Variants in CEP41 observed in about 807,000 individuals in gnomAD.
CEP41 encodes centrosomal protein 41.
A neutral mutation model predicts 44.3 loss-of-function variants in CEP41; 32 were observed. The observed-to-expected ratio is 0.72, with a 90% CI of 0.54 to 0.97. The LOEUF (loss-of-function observed/expected upper bound fraction) is 0.97, where lower values mean the gene tolerates loss of function less well. Ranked by LOEUF, CEP41 falls within the 50% of genes least tolerant of loss-of-function variation. CEP41 has a pLI of 0.00. For missense variants in CEP41, 432 were observed against 455.2 expected, an observed-to-expected ratio of 0.95 and a Z score of 0.46; for synonymous variants, 151 against 168.5, an observed-to-expected ratio of 0.90 and a Z score of 0.80.
chr7:130,415,020 G>C (rs1395766686), intron 3 of CEP41, among the ~76,000 whole-genome samples: 2 of 152,196 alleles, frequency 1.3e-5, no homozygotes, highest in East Asian at 3.9e-4. Context: ...GGTCCAACTA[G>C]TGTCATCTAA....
intron 1 of CEP41, among the ~76,000 whole-genome samples, chr7:130,438,879 C>T (rs890637479): frequency 3.3e-5 from 5 of 151,784 alleles, no homozygotes; most frequent in African/African-American, 9.7e-5. Context: ...TTGGTATATA[C>T]ACACACACAC....
chr7:130,439,887 C>A (rs1554427093), intron 1 of CEP41, among the ~76,000 whole-genome samples: 2 of 152,202 alleles, frequency 1.3e-5, no homozygotes, highest in African/African-American at 4.8e-5. Flanking sequence ...GCCTTGCCAC[C>A]CCTTCCATCT....
chr7:130,432,837 G>GA (rs1439320131), intron 1 of CEP41, among the ~76,000 whole-genome samples: 9 of 152,144 alleles, frequency 5.9e-5, no homozygotes, highest in African/African-American at 1.9e-4. Context: ...ACCTGGGCTA[G>GA]AAAAAAACAA....
chr7:130,400,828 G>T lies in CEP41; in HGVS notation c.643-7C>A, dbSNP rs1554416745. ...TCTTGCCATGGGCATTTTTCTAAGAGTCAGATGAGTTAAGGTTCCAAGGCA... is the reference window on the plus strand; with the variant it reads ...TCTTGCCATGGGCATTTTTCTAAGATTCAGATGAGTTAAGGTTCCAAGGCA... On this transcript the variant is annotated splice_polypyrimidine_tract_variant and splice_region_variant and intron_variant, in intron 8 of 10. Transcript: ENST00000223208. 2 of 1,575,544 alleles carry T rather than the reference G, an allele frequency of 1.3e-6. 1 individual carries two copies. The highest frequency in any genetic ancestry group is 2.3e-5 in the South Asian group (2 of 88,514).
At chr7:130,439,436 A>G (rs1235585723) in intron 1 of CEP41, among the ~76,000 whole-genome samples, 1 of 152,026 alleles carries the variant, frequency 6.6e-6, no homozygotes, top group African/African-American at 2.4e-5. Context: ...TATTAACTAT[A>G]GTCACCATGC....
At chr7:130,423,311 A>G (rs1167229021) in intron 2 of CEP41, among the ~76,000 whole-genome samples, 3 of 152,240 alleles carry the variant, frequency 2.0e-5, no homozygotes, top group African/African-American at 7.2e-5. Flanking sequence ...TGGGCAAATG[A>G]TTTGAATAGA....
At chr7:130,436,642 T>TA (rs1491141804) in intron 1 of CEP41, among the ~76,000 whole-genome samples, 1 of 118,144 alleles carries the variant, frequency 8.5e-6, no homozygotes, top group Non-Finnish European at 1.9e-5. Flanking sequence ...TTCTTTGTAC[T>TA]ATTTTTTTTT....
At chr7:130,412,280 T>G (rs952839480) in intron 3 of CEP41, 40 bp from the exon 4 acceptor site, 3 of 984,664 alleles carry the variant, frequency 3.0e-6, no homozygotes, top group Middle Eastern at 4.4e-4. Context: ...CTATTTTGCT[T>G]TTTTAGAGCT....
intron 1 of CEP41, among the ~76,000 whole-genome samples, chr7:130,437,635 C>T (rs117626155): frequency 0.013 from 2,004 of 151,242 alleles, 38 homozygotes; most frequent in Non-Finnish European, 0.016. Flanking sequence ...GAGCTGGGCA[C>T]GATGACACAC....
At chr7:130,417,538 A>C (rs555771791) in intron 2 of CEP41, among the ~76,000 whole-genome samples, 1 of 152,324 alleles carries the variant, frequency 6.6e-6, no homozygotes, top group East Asian at 1.9e-4. Context: ...TGATGTGCTG[A>C]GAAATAACAG....
intron 1 of CEP41, among the ~76,000 whole-genome samples, chr7:130,433,927 C>T (rs1015052391): frequency 2.0e-5 from 3 of 152,276 alleles, no homozygotes; most frequent in East Asian, 1.9e-4. Context: ...GTGGGCAGCA[C>T]GGACATGGAG....
chr7:130,416,927 A>G lies in CEP41; in HGVS notation c.137T>C (p.Ile46Thr), dbSNP rs1554421027. ...TCAAGAGTGTTACTTACTTTTCTTA[A>G]TCTCTTCGAGCTTCTCAGTATATTT... ...MTKYTEKLEE[I>T]KKNYRYKKDE... Residue 46 changes from isoleucine (I) to threonine (T), a missense_variant, in exon 3 of 11, where the codon ATT becomes ACT. Transcript: ENST00000223208. 1.3e-6 allele frequency: 2 copies of G among 1,588,450 alleles called. No individual in the cohort carries two copies. The highest frequency in any genetic ancestry group is 2.7e-5 in the African/African-American group (2 of 74,394).
chr7:130,419,732 T>C (rs1797444443), intron 2 of CEP41: 2 of 985,334 alleles, frequency 2.0e-6, no homozygotes, highest in South Asian at 4.7e-5. Context: ...ACTCACTACC[T>C]CTTAATGTTG....
chr7:130,421,875 A>G (rs1201790895), intron 2 of CEP41: 3 of 1,503,450 alleles, frequency 2.0e-6, no homozygotes, highest in Non-Finnish European at 2.7e-6. Flanking sequence ...AAACCCAGAG[A>G]GGGTGCTTGA....
Position 130,412,167 on chromosome 7 carries a change from C to T in CEP41, c.207+12G>A. On this transcript the variant is annotated intron_variant, in intron 4 of 10. Transcript: ENST00000223208. Reference sequence around the variant, plus strand: ...ACAGACTTTACTCCAGTGGAAAAATCAAGAAACTTACCAGCTGGGCAAAAG... The same window carrying T: ...ACAGACTTTACTCCAGTGGAAAAATTAAGAAACTTACCAGCTGGGCAAAAG... 6.8e-7 allele frequency: 1 copy of T among 1,479,922 alleles called. No homozygotes were observed. The highest frequency in any genetic ancestry group is 9.5e-7 in the Non-Finnish European group (1 of 1,057,720). The allele number at this position is 1,479,922 out of a possible 1,614,324, so 91.7% of individuals were successfully genotyped here.
chr7:130,396,446 A>G lies in CEP41; in HGVS notation c.*2445T>C, dbSNP rs1796659741. The G allele has an allele frequency of 2.2e-6, 1 of 454,444 alleles. No individual in the cohort carries two copies. Among genetic ancestry groups the G allele is most frequent in the East Asian group, 6.9e-5 (1 of 14,410 alleles). The allele number at this position is 454,444 out of a possible 1,614,324, so 28.2% of individuals were successfully genotyped here. A position where few individuals can be genotyped will look rare whatever the true frequency, so the allele number is the denominator to read the frequency against. The stretch of plus-strand genomic sequence containing the variant: ...TCCTAGGAGATGCAGCAAAAATCAC[A>G]CCAGTCTCCTGTGGCTCCCCCAAAT... On this transcript the variant is annotated 3_prime_UTR_variant, in exon 11 of 11. Coordinates refer to ENST00000223208, the MANE Select transcript of CEP41 (RefSeq NM_018718.3).
At chr7:130,399,819 CAA>C (rs34927892) in intron 10 of CEP41, 74 of 401,002 alleles carry the variant, frequency 1.8e-4, no homozygotes, top group East Asian at 3.6e-4. Context: ...GACTCTGTCT[CAA>C]AAAAAAAAAA....
At chr7:130,411,272 G>T (rs1797175638) in intron 4 of CEP41, 81 bp from the exon 5 acceptor site, 2 of 1,121,280 alleles carry the variant, frequency 1.8e-6, no homozygotes, top group East Asian at 4.7e-5. Flanking sequence ...AAAGACGAGG[G>T]AACAACAAAC....
At chr7:130,413,627 C>T (rs1797250799) in intron 3 of CEP41, among the ~76,000 whole-genome samples, 2 of 151,930 alleles carry the variant, frequency 1.3e-5, no homozygotes, top group South Asian at 4.2e-4. Flanking sequence ...TTATTCAGTG[C>T]TGTCTTGACA....
Sources: gnomAD v4.1 joint callset for allele counts (sites outside exome capture counted in the v4.1 genomes callset) on GRCh38, gnomAD v4.1.1 for gene constraint, MANE v1.5 for transcripts, NCBI Gene and HGNC (gene_info 2026-07-23, HGNC 2026-07-21) for gene names.